The following AKAP7 variants were observed in gnomAD, a reference collection of about 807,000 sequenced individuals.
AKAP7 encodes A kinase (PRKA) anchor protein 7.
A neutral mutation model predicts 39.5 loss-of-function variants in AKAP7; 39 were observed. That is an observed-to-expected ratio of 0.99 (90% confidence interval 0.76 to 1.29). The LOEUF (loss-of-function observed/expected upper bound fraction) is 1.29, where lower values mean the gene tolerates loss of function less well. Among genes scored for constraint, AKAP7 ranks in the 50% most tolerant of loss-of-function variants. AKAP7 has a pLI of 0.00. For synonymous variants in AKAP7, 140 were observed against 139.1 expected (o/e 1.01, Z -0.05); for missense variants, 414 against 407.7 (o/e 1.02, Z -0.13).
chr6:131,129,323 A>G, the AKAP7 span, among the ~76,000 whole-genome samples: 1 of 151,854 alleles, frequency 6.6e-6, no homozygotes, highest in Non-Finnish European at 1.5e-5. Flanking sequence ...GAATAATATA[A>G]AATATAGAAG....
At chr6:131,199,610 G>C in intron 6 of AKAP7, 37 bp downstream of exon 6, 1 of 1,452,168 alleles carries the variant, frequency 6.9e-7, no homozygotes, top group Non-Finnish European at 9.7e-7. Context: ...TGTTTTACCA[G>C]GCCACACCAG....
At chr6:131,154,717 A>C (rs531028993) in intron 2 of AKAP7, among the ~76,000 whole-genome samples, 1 of 152,116 alleles carries the variant, frequency 6.6e-6, no homozygotes, top group Non-Finnish European at 1.5e-5. Context: ...AATGTCATCA[A>C]ATAGCAAGAC....
At chr6:131,162,919 C>T (rs1409490204) in intron 3 of AKAP7, among the ~76,000 whole-genome samples, 1 of 152,174 alleles carries the variant, frequency 6.6e-6, no homozygotes, top group African/African-American at 2.4e-5. Flanking sequence ...CACTTGTCTT[C>T]CTCACAAGGT....
Position 131,165,225 on chromosome 6 carries a change from A to C in AKAP7, c.428+8A>C. On this transcript the variant is annotated splice_region_variant and intron_variant, in intron 4 of 7. Coordinates refer to ENST00000431975, the MANE Select transcript of AKAP7 (RefSeq NM_016377.4). ...TGAAGATGAAGTAAACATGTGAGTAATGTATCTTTCTTAAATATAATTTTC... is the reference window on the plus strand; with the variant it reads ...TGAAGATGAAGTAAACATGTGAGTACTGTATCTTTCTTAAATATAATTTTC... The C allele has an allele frequency of 6.3e-7, 1 of 1,588,592 alleles. No individual in the cohort carries two copies. Among genetic ancestry groups the C allele is most frequent in the Non-Finnish European group, 8.6e-7 (1 of 1,167,166 alleles).
chr6:131,256,349 C>A (rs1812849160), intron 7 of AKAP7, among the ~76,000 whole-genome samples: 2 of 152,150 alleles, frequency 1.3e-5, no homozygotes, highest in Non-Finnish European at 2.9e-5. Context: ...AACATTAGAG[C>A]AAATGCTAGT....
At chr6:131,131,026 T>A (rs1322225446), upstream of AKAP7, among the ~76,000 whole-genome samples, 1 of 152,228 alleles carries the variant, frequency 6.6e-6, no homozygotes, top group East Asian at 1.9e-4. Flanking sequence ...CTGGAGAAGC[T>A]TGTTCAGGCG....
rs186052946 is a variant in AKAP7, at chr6:131,237,586, C to T, written c.850+17778C>T. Among the ~76,000 whole-genome samples the T allele has an allele frequency of 4.5e-4, 69 of 151,996 alleles. 1 individual carries two copies. In the East Asian group the frequency reaches 0.013, roughly 28 times the overall value. On this transcript the variant is annotated intron_variant, in intron 7 of 7. Transcript: ENST00000431975. ...TTAATTATTGCCTCAATTTCAGAGC[C>T]TGTTATTGGTCTATTCAGAGATTCA...
In AKAP7 at chr6:131,169,420, GA is replaced by G; in HGVS notation, c.589+149del. 6 of 911,742 alleles carry G rather than the reference GA, an allele frequency of 6.6e-6. No individual in the cohort carries two copies. In the South Asian group the frequency reaches 7.9e-5, roughly 12 times the overall value. The allele number at this position is 911,742 out of a possible 1,614,324, so 56.5% of individuals were successfully genotyped here. ...TTAGGACTGTCCCAATCATAAGTCT[GA>G]AGGATTTCAGTGCTTATCATAACAT... On this transcript the variant is annotated intron_variant, in intron 5 of 7. Transcript: ENST00000431975.
intron 7 of AKAP7, among the ~76,000 whole-genome samples, chr6:131,224,657 T>A (rs1391163302): frequency 6.6e-6 from 1 of 150,454 alleles, no homozygotes; most frequent in Non-Finnish European, 1.5e-5. Context: ...ATCTCTGTTA[T>A]ACCATTTAAG....
At chr6:131,157,026 C>T (rs957173781) in intron 2 of AKAP7, among the ~76,000 whole-genome samples, 3 of 152,178 alleles carry the variant, frequency 2.0e-5, no homozygotes, top group African/African-American at 4.8e-5. Flanking sequence ...CCGCCCGCCT[C>T]AGCCTCCCAA....
At chr6:131,256,042 G>T (rs765039669) in intron 7 of AKAP7, among the ~76,000 whole-genome samples, 2 of 152,212 alleles carry the variant, frequency 1.3e-5, no homozygotes, top group African/African-American at 2.4e-5. Context: ...AGCCAGAAGT[G>T]TGGGGGATTT....
intron 2 of AKAP7, among the ~76,000 whole-genome samples, chr6:131,150,035 T>C (rs1184688812): frequency 2.6e-5 from 4 of 152,148 alleles, no homozygotes; most frequent in African/African-American, 9.7e-5. Flanking sequence ...CCTAGGCTAG[T>C]CTCAAACTCC....
rs566270397 is a variant in AKAP7, at chr6:131,281,465, C to T, written c.851-65C>T. 23 of 1,346,390 alleles carry T rather than the reference C, an allele frequency of 1.7e-5. No homozygotes were observed. The Admixed American group carries it at 3.9e-4, about 23-fold the overall frequency. 83.4% of individuals were successfully genotyped at this position (1,346,390 alleles called of 1,614,324 possible). ...TTTTAACCAATGGAACTAGCCGGCC[C>T]CTGCATGCCAAGTTTCTATGGCAAT... On this transcript the variant is annotated intron_variant, in intron 7 of 7. Transcript: ENST00000431975. This position sits in a 1 kb window ranked among gnomAD's most constrained non-coding sequence, Gnocchi z 4.0.
intron 5 of AKAP7, chr6:131,184,947 C>T (rs1444572711): frequency 5.0e-6 from 4 of 800,998 alleles, no homozygotes; most frequent in African/African-American, 3.4e-5. Context: ...CTTGGATTAC[C>T]CCTTTCCCCG....
At chr6:131,177,380 G>A (rs985215152) in intron 5 of AKAP7, among the ~76,000 whole-genome samples, 3 of 152,170 alleles carry the variant, frequency 2.0e-5, no homozygotes, top group Admixed American at 6.5e-5. Context: ...CAGAGAAGTG[G>A]AAAAGTGAGT....
chr6:131,271,412 G>A (rs974037858), intron 7 of AKAP7, among the ~76,000 whole-genome samples: 1 of 151,916 alleles, frequency 6.6e-6, no homozygotes, highest in Non-Finnish European at 1.5e-5. Flanking sequence ...TTATCTATAT[G>A]TCTATACTTA....
chr6:131,266,298 A>G (rs901870402), intron 7 of AKAP7, among the ~76,000 whole-genome samples: 1 of 152,224 alleles, frequency 6.6e-6, no homozygotes, highest in Non-Finnish European at 1.5e-5. Context: ...GTACACATGC[A>G]CTTGTTCCCC....
At chr6:131,277,690 T>C (rs1353377989) in intron 7 of AKAP7, among the ~76,000 whole-genome samples, 1 of 152,232 alleles carries the variant, frequency 6.6e-6, no homozygotes, top group African/African-American at 2.4e-5. Flanking sequence ...TGAAAATGTC[T>C]ATTTTTTGAA....
Position 131,281,740 on chromosome 6 carries a change from G to T in AKAP7, c.*14G>T. 6.9e-6 allele frequency: 11 copies of T among 1,583,424 alleles called. No homozygotes were observed. The highest frequency in any genetic ancestry group is 9.4e-6 in the Non-Finnish European group (11 of 1,164,588). On this transcript the variant is annotated 3_prime_UTR_variant, in exon 8 of 8. Transcript: ENST00000431975. This position sits in a 1 kb window ranked among gnomAD's most constrained non-coding sequence, Gnocchi z 4.0. ...AACAGGAAATGAGCCCGGAACGCAG[G>T]CCCCCATGTCTCTGTGCAAAGCCTC...
Sources: gnomAD v4.1 joint callset for allele counts (sites outside exome capture counted in the v4.1 genomes callset) on GRCh38, gnomAD v4.1.1 for gene constraint, Gnocchi (gnomAD v3.1) non-coding constraint, MANE v1.5 for transcripts, NCBI Gene and HGNC (gene_info 2026-07-23, HGNC 2026-07-21) for gene names.